The following RFWD3 variants were observed in gnomAD, a reference collection of about 807,000 sequenced individuals.
RFWD3 encodes ring finger and WD repeat domain 3.
In RFWD3, 65 loss-of-function variants were observed where a neutral mutation model predicts 87.7. The observed-to-expected ratio is 0.74, with a 90% confidence interval of 0.61 to 0.91. The LOEUF is 0.91. Ranked by LOEUF, RFWD3 falls within the 40% of genes least tolerant of loss-of-function variation. The pLI is 0.00. For missense variants in RFWD3, 1,078 were observed against 938.5 expected (o/e 1.15, Z -1.94); for synonymous variants, 433 against 352.8 (o/e 1.23, Z -2.55).
At chr16:74,625,607 A>C (rs560036153) in intron 12 of RFWD3, among the ~76,000 whole-genome samples, 4 of 151,844 alleles carry the variant, frequency 2.6e-5, no homozygotes, top group Admixed American at 2.0e-4. Context: ...AAGCCAGATC[A>C]GCTGTCTTAT....
chr16:74,651,168 G>T (rs987667671), intron 3 of RFWD3, among the ~76,000 whole-genome samples: 2 of 152,154 alleles, frequency 1.3e-5, no homozygotes, highest in African/African-American at 4.8e-5. Flanking sequence ...GCCCTCTGGG[G>T]ATCAGAAAGT....
chr16:74,662,937 C>G (rs1226327244), intron 1 of RFWD3, among the ~76,000 whole-genome samples: 1 of 150,916 alleles, frequency 6.6e-6, no homozygotes, highest in African/African-American at 2.4e-5. Flanking sequence ...TGGAGTCTCG[C>G]TCTGTTGCCC....
At chr16:74,660,847 C>G in intron 2 of RFWD3, 85 bp downstream of exon 2, 5 of 1,470,520 alleles carry the variant, frequency 3.4e-6, no homozygotes, top group Non-Finnish European at 4.6e-6. Context: ...CCAAAAGTCA[C>G]ACTGTCAGTC....
intron 4 of RFWD3, among the ~76,000 whole-genome samples, chr16:74,646,390 T>C (rs1009425108): frequency 6.6e-6 from 1 of 152,104 alleles, no homozygotes; most frequent in Non-Finnish European, 1.5e-5. Flanking sequence ...AAGTTCAGTG[T>C]AGCATGATTT....
chr16:74,645,990 C>A (rs1215922999), intron 4 of RFWD3, among the ~76,000 whole-genome samples: 1 of 151,878 alleles, frequency 6.6e-6, no homozygotes, highest in Admixed American at 6.6e-5. Flanking sequence ...CCTCGCGATC[C>A]GTCCGCCTTG....
At chr16:74,640,511 A>G (rs971993451) in intron 6 of RFWD3, among the ~76,000 whole-genome samples, 6 of 152,302 alleles carry the variant, frequency 3.9e-5, no homozygotes, top group South Asian at 4.1e-4. Flanking sequence ...TTAGTAAATT[A>G]TAAGTCAGGT....
At chr16:74,647,930 T>G (rs1420111030) in intron 4 of RFWD3, among the ~76,000 whole-genome samples, 1 of 151,958 alleles carries the variant, frequency 6.6e-6, no homozygotes, top group Non-Finnish European at 1.5e-5. Flanking sequence ...CTACTAACCA[T>G]ATTCTGCCTG....
At chr16:74,663,986 C>T (rs1245434883) in intron 1 of RFWD3, among the ~76,000 whole-genome samples, 1 of 152,196 alleles carries the variant, frequency 6.6e-6, no homozygotes, top group Non-Finnish European at 1.5e-5. Context: ...AGAACAAAGC[C>T]CTTCTCCCCC....
chr16:74,632,713 T>C (rs774465649), intron 8 of RFWD3, 40 bp from the exon 9 acceptor site: 35 of 1,603,456 alleles, frequency 2.2e-5, no homozygotes, highest in Non-Finnish European at 2.8e-5. Flanking sequence ...TCACTGAAAG[T>C]GAACCTAGGG....
chr16:74,653,066 C>T (rs1040895031), intron 2 of RFWD3, among the ~76,000 whole-genome samples: 5 of 152,096 alleles, frequency 3.3e-5, no homozygotes, highest in African/African-American at 9.7e-5. Flanking sequence ...AGGCTAGCTG[C>T]GATGACTCAT....
Position 74,649,156 on chromosome 16 carries a change from A to G in RFWD3, c.768T>C (p.Asp256=). 6.4e-7 allele frequency: 1 copy of G among 1,571,990 alleles called. No individual in the cohort carries two copies. Among genetic ancestry groups the G allele is most frequent in the South Asian group, 1.2e-5 (1 of 83,820 alleles). The stretch of plus-strand genomic sequence containing the variant: ...CCTGTTTGGGGAGGGTCTTGCCTCC[A>G]TCGATACATGTAACTTCTTGCTCTG... The part of the protein sequence containing the change: ...VSAEQEVTCI[D]GGKTLPKQPS... The change falls in exon 4 of 13, where the codon GAT becomes GAC. Residue 256 remains aspartate (D), a synonymous_variant. Transcript: ENST00000361070.
intron 6 of RFWD3, among the ~76,000 whole-genome samples, chr16:74,641,590 G>C (rs1441475256): frequency 6.6e-6 from 1 of 152,000 alleles, no homozygotes; most frequent in Non-Finnish European, 1.5e-5. Context: ...GCAAGCTACA[G>C]AAGAAAAAGT....
chr16:74,639,579 T>G (rs1361875298), intron 6 of RFWD3, among the ~76,000 whole-genome samples: 1 of 152,208 alleles, frequency 6.6e-6, no homozygotes, highest in Admixed American at 6.5e-5. Context: ...CTGAAAAGAC[T>G]ATCACAAAGA....
At chr16:74,632,734 T>G in intron 8 of RFWD3, 61 bp from the exon 9 acceptor site, 1 of 1,521,904 alleles carries the variant, frequency 6.6e-7, no homozygotes, top group Non-Finnish European at 9.0e-7. Flanking sequence ...CAATTCAAAC[T>G]AGTTTTTCAA....
intron 1 of RFWD3, chr16:74,664,716 T>A (rs1961740271): frequency 6.6e-6 from 1 of 150,818 alleles, no homozygotes; most frequent in Non-Finnish European, 1.5e-5. Flanking sequence ...GCCACTGCAC[T>A]CCAGACCGGG....
At position 74,651,929 on chromosome 16, in the gene RFWD3, T is replaced by C; in HGVS notation, c.712A>G (p.Ile238Val). 2 of 1,613,918 alleles carry C rather than the reference T, an allele frequency of 1.2e-6. No individual in the cohort carries two copies. Among genetic ancestry groups the C allele is most frequent in the Non-Finnish European group, 1.7e-6 (2 of 1,179,846 alleles). ...TGGGTAAAATACTGACCTTCTAAAA[T>C]GACAGCTCCAGATTCCTCTGCCTGG... is the stretch of plus-strand genomic sequence containing the variant. The part of the protein sequence containing the change: ...VDQAEESGAV[I>V]LEEQLAGVSA... Residue 238 changes from isoleucine to valine, a missense_variant, in exon 3 of 13, where the codon ATT becomes GTT. Coordinates refer to ENST00000361070, the MANE Select transcript of RFWD3 (RefSeq NM_018124.4).
chr16:74,665,375 G>C (rs1961799367), intron 1 of RFWD3: 1 of 152,116 alleles, frequency 6.6e-6, no homozygotes, highest in East Asian at 1.9e-4. Context: ...CTTGAGGTCG[G>C]AGTCCCAGAA....
chr16:74,664,503 C>T (rs1413043533), intron 1 of RFWD3: 1 of 152,204 alleles, frequency 6.6e-6, no homozygotes, highest in Non-Finnish European at 1.5e-5. Flanking sequence ...ATAATCCCAG[C>T]ACTTTGGGAG....
Position 74,649,102 on chromosome 16 carries a change from T to C in RFWD3, c.792+30A>G, listed in dbSNP as rs199514598. The C allele has an allele frequency of 9.7e-6, 14 of 1,438,076 alleles. No homozygotes were observed. The Admixed American group carries it at 2.5e-4, about 26-fold the overall frequency. 89.1% of individuals were successfully genotyped at this position (1,438,076 alleles called of 1,614,324 possible). A position where few individuals can be genotyped will look rare whatever the true frequency, so the allele number is the denominator to read the frequency against. ...CTCTAAAAATAAATAAATAAATAAA[T>C]AGATTTTTTTAAAATGATGTTCATA... On this transcript the variant is annotated intron_variant, in intron 4 of 12. Coordinates refer to ENST00000361070, the MANE Select transcript of RFWD3 (RefSeq NM_018124.4).
Sources: gnomAD v4.1 joint callset for allele counts (sites outside exome capture counted in the v4.1 genomes callset) on GRCh38, gnomAD v4.1.1 for gene constraint, MANE v1.5 for transcripts, NCBI Gene and HGNC (gene_info 2026-07-23, HGNC 2026-07-21) for gene names.